Variants in PPIL6 observed in about 807,000 individuals in gnomAD.
PPIL6 encodes the protein probable inactive peptidyl-prolyl cis-trans isomerase-like 6.
A neutral mutation model predicts 36.8 loss-of-function variants in PPIL6; 39 were observed. The observed-to-expected ratio is 1.06, with a 90% CI of 0.82 to 1.38. The LOEUF (loss-of-function observed/expected upper bound fraction) is 1.38, where lower values mean the gene tolerates loss of function less well. PPIL6 is among the 40% of genes most tolerant of loss of function. The pLI is 0.00. For missense variants in PPIL6, 368 were observed against 379.1 expected (o/e 0.97, Z 0.24); for synonymous variants, 123 against 134.1 (o/e 0.92, Z 0.57).
intron 2 of PPIL6, among the ~76,000 whole-genome samples, chr6:109,432,444 T>C (rs1258642494): frequency 6.6e-6 from 1 of 152,122 alleles, no homozygotes. Flanking sequence ...GGTTTATTAT[T>C]ACCCAGTACC....
At chr6:109,421,996 C>G (rs561471897) in intron 5 of PPIL6, among the ~76,000 whole-genome samples, 2 of 152,310 alleles carry the variant, frequency 1.3e-5, no homozygotes, top group South Asian at 4.1e-4. Flanking sequence ...CCTGCCTCAG[C>G]CTCCCGAGCA....
chr6:109,436,260 T>C, intron 1 of PPIL6, 61 bp from the exon 2 acceptor site: 1 of 1,021,998 alleles, frequency 9.8e-7, no homozygotes, highest in Non-Finnish European at 1.5e-6. Flanking sequence ...CAAAATCATG[T>C]TCCCCAATTT....
At chr6:109,402,774 C>T (rs1324682532) in intron 6 of PPIL6, among the ~76,000 whole-genome samples, 1 of 152,016 alleles carries the variant, frequency 6.6e-6, no homozygotes, top group Non-Finnish European at 1.5e-5. Context: ...GTATGTGAAT[C>T]TTAAGAACCC....
Position 109,400,118 on chromosome 6 carries a change from G to A in PPIL6, c.741C>T (p.Asn247=), listed in dbSNP as rs147272402. 9 of 1,613,456 alleles carry A rather than the reference G, an allele frequency of 5.6e-6. No homozygotes were observed. The highest frequency in any genetic ancestry group is 1.3e-5 in the African/African-American group (1 of 74,896). Residue 247 remains asparagine (N), a synonymous_variant, in exon 7 of 8, where the codon AAC becomes AAT. Coordinates refer to ENST00000521072, the MANE Select transcript of PPIL6 (RefSeq NM_173672.5). ...HNKRGVLGMA[N]KGRHSNGSQF... ...GTGACCCGTTGCTGTGACGGCCTTTGTTGGCCATTCCAAGTACTCCTCTTT... is the reference window on the plus strand; with the variant it reads ...GTGACCCGTTGCTGTGACGGCCTTTATTGGCCATTCCAAGTACTCCTCTTT...
At chr6:109,402,745 T>C (rs914631541) in intron 6 of PPIL6, among the ~76,000 whole-genome samples, 1 of 152,136 alleles carries the variant, frequency 6.6e-6, no homozygotes, top group Non-Finnish European at 1.5e-5. Context: ...TGTGTGTGGA[T>C]TCTCTAAGTC....
At chr6:109,404,369 A>G (rs1193061588) in intron 6 of PPIL6, among the ~76,000 whole-genome samples, 1 of 152,214 alleles carries the variant, frequency 6.6e-6, no homozygotes, top group African/African-American at 2.4e-5. Context: ...GATTGGGGCC[A>G]GGAGAGTCCT....
intron 7 of PPIL6, among the ~76,000 whole-genome samples, chr6:109,393,891 G>A (rs1040523055): frequency 1.3e-4 from 20 of 152,138 alleles, no homozygotes; most frequent in Admixed American, 1.2e-3. Context: ...GTTCTCTGTC[G>A]CTCCTTTAGA....
chr6:109,413,832 G>T lies in PPIL6; in HGVS notation c.688+5355C>A, dbSNP rs1187394837. On this transcript the variant is annotated intron_variant, in intron 6 of 7. Coordinates refer to ENST00000521072, the MANE Select transcript of PPIL6 (RefSeq NM_173672.5). The surrounding 1 kb of genome is among the most constrained non-coding windows in gnomAD (Gnocchi z 4.6). ...TGCAACAACATGGATGGGACTGGAG[G>T]TCATTATGCTAAGTGAAATAAGCCA... 6.6e-6 allele frequency among the ~76,000 whole-genome samples: 1 copy of T among 152,192 alleles called. No individual in the cohort carries two copies.
chr6:109,436,481 G>T (rs1774454766), intron 1 of PPIL6, among the ~76,000 whole-genome samples: 1 of 152,210 alleles, frequency 6.6e-6, no homozygotes, highest in South Asian at 2.1e-4. Flanking sequence ...ACTTTGGGAG[G>T]CTGAGGTGGG....
chr6:109,419,680 G>A (rs184555520), intron 5 of PPIL6, among the ~76,000 whole-genome samples: 91 of 151,638 alleles, frequency 6.0e-4, no homozygotes, highest in African/African-American at 2.1e-3. Flanking sequence ...CCGAGATTGC[G>A]CCATTGCACT....
At chr6:109,435,067 C>T (rs1774370113) in intron 2 of PPIL6, among the ~76,000 whole-genome samples, 1 of 152,158 alleles carries the variant, frequency 6.6e-6, no homozygotes, top group Non-Finnish European at 1.5e-5. Flanking sequence ...CCCCAGGCAA[C>T]AGTCCCACAG....
chr6:109,398,483 C>T (rs1345321031), intron 7 of PPIL6, among the ~76,000 whole-genome samples: 1 of 152,066 alleles, frequency 6.6e-6, no homozygotes, highest in Non-Finnish European at 1.5e-5. Flanking sequence ...AACAGTTATT[C>T]AGAAAAATAC....
Position 109,413,245 on chromosome 6 carries a change from G to T in PPIL6, c.688+5942C>A, listed in dbSNP as rs773302316. Reference sequence around the variant, plus strand: ...GGGATTAATAACCAGAATATATAAGGAGCTCAAACAACTCTACAGGAAAAA... The same window carrying T: ...GGGATTAATAACCAGAATATATAAGTAGCTCAAACAACTCTACAGGAAAAA... On this transcript the variant is annotated intron_variant, in intron 6 of 7. Coordinates refer to ENST00000521072, the MANE Select transcript of PPIL6 (RefSeq NM_173672.5). The surrounding 1 kb of genome is among the most constrained non-coding windows in gnomAD (Gnocchi z 4.6). Among the ~76,000 whole-genome samples, 1 of 151,948 alleles carries T rather than the reference G, an allele frequency of 6.6e-6. No individual in the cohort carries two copies. The highest frequency in any genetic ancestry group is 2.4e-5 in the African/African-American group (1 of 41,320).
chr6:109,440,569 C>G lies in PPIL6; in HGVS notation c.22G>C (p.Gly8Arg). The stretch of plus-strand genomic sequence containing the variant: ...GAGCCGCACCTAGCGTGCGGGGGCC[C>G]GCACGGCTGCGGCCTTGCCATGGCC... Reference protein sequence around the residue: MARPQPCGPPHARCGSPS... With the variant: MARPQPCRPPHARCGSPS... Residue 8 changes from glycine to arginine, a missense_variant, in exon 1 of 8, where the codon GGG (glycine) becomes CGG (arginine). Gly to Arg is a moderately radical substitution (Grantham distance 125, BLOSUM62 -2). Transcript: ENST00000521072. 2 of 1,436,116 alleles carry G rather than the reference C, an allele frequency of 1.4e-6. No individual in the cohort carries two copies. Among genetic ancestry groups the G allele is most frequent in the Admixed American group, 3.0e-5 (1 of 33,436 alleles). The allele number at this position is 1,436,116 out of a possible 1,614,324, so 89.0% of individuals were successfully genotyped here.
chr6:109,400,103 G>A lies in PPIL6; in HGVS notation c.756C>T (p.Ser252=). ...VLGMANKGRH[S]NGSQFYITLQ... Reference sequence around the variant, plus strand: ...GTGTGATATAGAATTGTGACCCGTTGCTGTGACGGCCTTTGTTGGCCATTC... The same window carrying A: ...GTGTGATATAGAATTGTGACCCGTTACTGTGACGGCCTTTGTTGGCCATTC... The change falls in exon 7 of 8, where the codon AGC becomes AGT. Residue 252 remains serine (S), a synonymous_variant. Transcript: ENST00000521072. 6.2e-7 allele frequency: 1 copy of A among 1,613,716 alleles called. No individual in the cohort carries two copies. The highest frequency in any genetic ancestry group is 8.5e-7 in the Non-Finnish European group (1 of 1,179,712).
intron 7 of PPIL6, among the ~76,000 whole-genome samples, chr6:109,395,831 CTTT>C (rs35305087): frequency 2.8e-5 from 3 of 106,546 alleles, no homozygotes; most frequent in African/African-American, 3.9e-5. Context: ...GTCTCGATCT[CTTT>C]TTTTTTTTTT....
intron 6 of PPIL6, 144 bp downstream of exon 6, chr6:109,419,043 C>T (rs1773410074): frequency 1.8e-5 from 11 of 603,208 alleles, no homozygotes; most frequent in South Asian, 1.1e-4. Flanking sequence ...AGGGCGCTTC[C>T]CCCCGATCTG....
chr6:109,420,132 G>A (rs1582567143), intron 5 of PPIL6, among the ~76,000 whole-genome samples: 1 of 151,882 alleles, frequency 6.6e-6, no homozygotes, highest in East Asian at 1.9e-4. Context: ...CCAGGAGTTC[G>A]AGACCAGCCT....
chr6:109,432,461 GC>G, intron 2 of PPIL6, among the ~76,000 whole-genome samples: 1 of 152,150 alleles, frequency 6.6e-6, no homozygotes, highest in South Asian at 2.1e-4. Context: ...TACCAGCCAG[GC>G]AAACCATGAA....
Sources: gnomAD v4.1 joint callset for allele counts (sites outside exome capture counted in the v4.1 genomes callset) on GRCh38, gnomAD v4.1.1 for gene constraint, Gnocchi (gnomAD v3.1) non-coding constraint, MANE v1.5 for transcripts, NCBI Gene and HGNC (gene_info 2026-07-23, HGNC 2026-07-21) for gene names.